Variants in IQGAP3 observed in about 807,000 individuals in gnomAD.
IQGAP3 encodes the protein ras GTPase-activating-like protein IQGAP3.
In IQGAP3, 165 loss-of-function variants were observed where a neutral mutation model predicts 208.2. The observed-to-expected ratio is 0.79, with a 90% CI of 0.70 to 0.90. The LOEUF (loss-of-function observed/expected upper bound fraction) is 0.90, where lower values mean the gene tolerates loss of function less well. IQGAP3 is among the 40% of genes least tolerant of loss of function. The probability of loss-of-function intolerance (pLI) is 0.00; values close to 1 mark genes in which losing one functional copy is unlikely to be tolerated. For missense variants in IQGAP3, 1,811 were observed against 2,043.1 expected (o/e 0.89, Z 2.19); for synonymous variants, 703 against 803.6 (o/e 0.87, Z 2.12).
intron 4 of IQGAP3, among the ~76,000 whole-genome samples, chr1:156,565,409 T>C (rs764557501): frequency 5.9e-5 from 9 of 152,264 alleles, no homozygotes; most frequent in Non-Finnish European, 1.2e-4. Context: ...TCTTTACTGC[T>C]GTTTCCTGTC....
rs751536368 is a variant in IQGAP3 at position 156,539,428 on chromosome 1, C to T, written c.3002G>A (p.Arg1001Gln). Residue 1001 changes from arginine (R) to glutamine (Q), a missense_variant, in exon 25 of 38, where the codon CGA (arginine) becomes CAA (glutamine). Transcript: ENST00000361170. ...FSLYNYASSR[R>Q]EAYLLLQLFK... ...CAGCTGGAGCAGGAGATAGGCCTCTCGGCGGCTGGAGGCATAGTTGTACAG... is the reference window on the plus strand; with the variant it reads ...CAGCTGGAGCAGGAGATAGGCCTCTTGGCGGCTGGAGGCATAGTTGTACAG... The T allele has an allele frequency of 1.7e-5, 28 of 1,613,910 alleles. No homozygotes were observed. The highest frequency in any genetic ancestry group is 1.6e-4 in the South Asian group (15 of 91,078).
In IQGAP3 at chr1:156,533,891, A is replaced by G; in HGVS notation, c.3874-16T>C. The G allele has an allele frequency of 6.2e-7, 1 of 1,605,792 alleles. No individual in the cohort carries two copies. Among genetic ancestry groups the G allele is most frequent in the East Asian group, 2.2e-5 (1 of 44,788 alleles). On this transcript the variant is annotated splice_polypyrimidine_tract_variant and intron_variant, in intron 30 of 37. Coordinates refer to ENST00000361170, the MANE Select transcript of IQGAP3 (RefSeq NM_178229.5). ...CCAGCAACAGCTGCAGGACGGAGAA[A>G]GAAAAGGAGATGCAGGGTCTGAGCC...
chr1:156,565,251 A>G (rs1676349443), intron 4 of IQGAP3, among the ~76,000 whole-genome samples: 1 of 152,222 alleles, frequency 6.6e-6, no homozygotes, highest in Non-Finnish European at 1.5e-5. Flanking sequence ...TGGCTTCTCA[A>G]TGCCACCTGA....
chr1:156,560,020 GCT>G (rs1676073632), intron 11 of IQGAP3, among the ~76,000 whole-genome samples: 1 of 152,232 alleles, frequency 6.6e-6, no homozygotes, highest in Admixed American at 6.5e-5. Context: ...ATGTCGGAAA[GCT>G]CTGTTAGACA....
intron 19 of IQGAP3, among the ~76,000 whole-genome samples, chr1:156,544,721 C>T (rs548001255): frequency 1.3e-5 from 2 of 152,330 alleles, no homozygotes; most frequent in African/African-American, 4.8e-5. Context: ...TACCCACACC[C>T]ACACACCTCT....
intron 4 of IQGAP3, among the ~76,000 whole-genome samples, chr1:156,565,108 G>A (rs567006281): frequency 3.7e-4 from 57 of 152,298 alleles, no homozygotes; most frequent in African/African-American, 1.3e-3. Flanking sequence ...TGGAGAGCTG[G>A]CCTACTCCCA....
rs1451335870 is a variant in IQGAP3 at position 156,535,192 on chromosome 1, G to A, written c.3478C>T (p.Pro1160Ser). ...TAGACCTCGCTGTCTGTGGCGTCAG[G>A]GAATTTCTCTGCCAGAGTTGCCTTC... ...VLKATLAEKF[P>S]DATDSEVYKV... The change falls in exon 28 of 38, where the codon CCT becomes TCT. Residue 1160 changes from proline to serine, a missense_variant. Physicochemically the swap from Pro to Ser is moderately conservative, Grantham distance 74. Transcript: ENST00000361170. The A allele has an allele frequency of 6.2e-7, 1 of 1,613,506 alleles. No individual in the cohort carries two copies.
chr1:156,540,222 G>C (rs1276330197), intron 23 of IQGAP3, among the ~76,000 whole-genome samples: 1 of 152,092 alleles, frequency 6.6e-6, no homozygotes, highest in East Asian at 1.9e-4. Context: ...GAACTGGTTT[G>C]CCAGGCTGAG....
At chr1:156,558,378 G>C (rs1676012330) in intron 11 of IQGAP3, among the ~76,000 whole-genome samples, 1 of 42,616 alleles carries the variant, frequency 2.3e-5, no homozygotes, top group Non-Finnish European at 5.1e-5. Context: ...TGGTGGGGGG[G>C]TCAGCCCCCC....
intron 2 of IQGAP3, among the ~76,000 whole-genome samples, chr1:156,567,248 A>C (rs1381078872): frequency 6.6e-6 from 1 of 152,216 alleles, no homozygotes; most frequent in South Asian, 2.1e-4. Flanking sequence ...ACCTGGGTGC[A>C]GAAAGGTCAT....
At chr1:156,545,995 A>C (rs949075223) in intron 19 of IQGAP3, among the ~76,000 whole-genome samples, 1 of 152,148 alleles carries the variant, frequency 6.6e-6, no homozygotes, top group African/African-American at 2.4e-5. Context: ...ATAGGATGTA[A>C]AAGAGGATAG....
chr1:156,547,118 G>A (rs1675282371), intron 19 of IQGAP3, among the ~76,000 whole-genome samples: 1 of 150,190 alleles, frequency 6.7e-6, no homozygotes, highest in South Asian at 2.1e-4. Flanking sequence ...ATCATTCCTG[G>A]CTTGCTTGCA....
intron 9 of IQGAP3, among the ~76,000 whole-genome samples, chr1:156,562,226 C>G (rs1676188523): frequency 6.6e-6 from 1 of 152,002 alleles, no homozygotes; most frequent in Admixed American, 6.5e-5. Flanking sequence ...CCCAAATAGG[C>G]AAATGCCCAC....
In IQGAP3 at chr1:156,562,495, T is replaced by C; in HGVS notation, c.877+92A>G. 3 of 1,040,774 alleles carry C rather than the reference T, an allele frequency of 2.9e-6. No homozygotes were observed. The African/African-American group carries it at 4.7e-5, about 16-fold the overall frequency. The allele number at this position is 1,040,774 out of a possible 1,614,324, so 64.5% of individuals were successfully genotyped here. The stretch of plus-strand genomic sequence containing the variant: ...GTTGGCCCAAATGAGACCATAGGGC[T>C]TTCTGGCTTGAGAAAAGCTATCCCC... On this transcript the variant is annotated intron_variant, in intron 9 of 37. Transcript: ENST00000361170.
chr1:156,537,196 G>A lies in IQGAP3; in HGVS notation c.3407C>T (p.Ser1136Phe), dbSNP rs1466453496. Reference sequence around the variant, plus strand: ...TTGCACATACGGAATTTGGTCCACAGATGAGGTGATGGCTAAAAGGAACTT... The same window carrying A: ...TTGCACATACGGAATTTGGTCCACAAATGAGGTGATGGCTAAAAGGAACTT... ...TDKFLLAITS[S>F]VDQIPYGMRY... is the part of the protein sequence containing the mutation. Residue 1136 changes from serine (S) to phenylalanine (F), a missense_variant, in exon 27 of 38, where the codon TCT (serine) becomes TTT (phenylalanine). Physicochemically the swap from Ser to Phe is radical, Grantham distance 155. Transcript: ENST00000361170. 6.2e-7 allele frequency: 1 copy of A among 1,613,736 alleles called. No individual in the cohort carries two copies. The highest frequency in any genetic ancestry group is 8.5e-7 in the Non-Finnish European group (1 of 1,179,862).
chr1:156,564,560 T>C, intron 5 of IQGAP3, 55 bp downstream of exon 5: 2 of 1,125,086 alleles, frequency 1.8e-6, no homozygotes, highest in Admixed American at 1.7e-5. Context: ...TTGTTGTTGA[T>C]TGTTGGTCGC....
intron 35 of IQGAP3, 92 bp from the exon 36 acceptor site, chr1:156,528,702 C>T (rs1439725626): frequency 6.1e-6 from 7 of 1,153,040 alleles, no homozygotes; most frequent in African/African-American, 4.6e-5. Context: ...AATGAGACCC[C>T]GAGGAAGACT....
intron 22 of IQGAP3, among the ~76,000 whole-genome samples, chr1:156,543,361 G>A (rs1399482667): frequency 6.6e-6 from 1 of 152,198 alleles, no homozygotes; most frequent in South Asian, 2.1e-4. Context: ...GCCCAAGAGT[G>A]CAGCCTCAAG....
At chr1:156,528,790 A>G (rs1006666720) in intron 35 of IQGAP3, 126 bp downstream of exon 35, 1 of 1,211,302 alleles carries the variant, frequency 8.3e-7, no homozygotes, top group African/African-American at 1.5e-5. Context: ...GACCAGACTT[A>G]GGAAGGGACT....
Sources: allele counts gnomAD v4.1 joint callset (sites outside exome capture counted in the v4.1 genomes callset), GRCh38; gene constraint gnomAD v4.1.1; transcripts MANE v1.5; gene names NCBI Gene and HGNC (gene_info 2026-07-23, HGNC 2026-07-21).